Variants in GALNTL6 observed in about 807,000 individuals in gnomAD.
GALNTL6 encodes polypeptide N-acetylgalactosaminyltransferase-like 6.
In GALNTL6, 46 loss-of-function variants were observed where a neutral mutation model predicts 73.7. The ratio of observed to expected loss-of-function variants is 0.62; its 90% confidence interval spans 0.49 to 0.80. The LOEUF (loss-of-function observed/expected upper bound fraction) is 0.80, where lower values mean the gene tolerates loss of function less well. GALNTL6 is among the 30% of genes least tolerant of loss of function. The pLI is 0.00. For missense variants in GALNTL6, 604 were observed against 755.0 expected, an observed-to-expected ratio of 0.80 and a Z score of 2.34; for synonymous variants, 259 against 263.7, an observed-to-expected ratio of 0.98 and a Z score of 0.17.
chr4:172,084,850 A>C (rs1390210261), intron 2 of GALNTL6, among the ~76,000 whole-genome samples: 1 of 152,192 alleles, frequency 6.6e-6, no homozygotes, highest in Admixed American at 6.5e-5. Context: ...GAGAATAGAC[A>C]CAGCCAGGAA....
chr4:172,992,086 G>C (rs553806950), intron 10 of GALNTL6, among the ~76,000 whole-genome samples: 2 of 152,018 alleles, frequency 1.3e-5, no homozygotes, highest in East Asian at 1.9e-4. Context: ...AACCAAATTC[G>C]TATGTGTTTT....
intron 5 of GALNTL6, among the ~76,000 whole-genome samples, chr4:172,417,405 T>G (rs1162558139): frequency 2.0e-5 from 3 of 152,130 alleles, no homozygotes; most frequent in Admixed American, 6.6e-5. Context: ...TTAATTTGTC[T>G]GTTTATACTT....
chr4:172,617,642 AAT>A (rs1738791969), intron 5 of GALNTL6, among the ~76,000 whole-genome samples: 1 of 148,920 alleles, frequency 6.7e-6, no homozygotes, highest in African/African-American at 2.5e-5. Context: ...ACGCCCAGCT[AAT>A]TTTTTTTTTT....
intron 2 of GALNTL6, among the ~76,000 whole-genome samples, chr4:171,920,357 G>A (rs1029089769): frequency 6.6e-6 from 1 of 151,648 alleles, no homozygotes; most frequent in Non-Finnish European, 1.5e-5. Flanking sequence ...TTGTGCACAT[G>A]TACCCTAAAA....
At chr4:172,124,057 C>G (rs1733225972) in intron 2 of GALNTL6, among the ~76,000 whole-genome samples, 1 of 151,940 alleles carries the variant, frequency 6.6e-6, no homozygotes, top group Non-Finnish European at 1.5e-5. Context: ...GACAGATGAG[C>G]CATAGTTAAA....
chr4:171,982,958 C>G (rs2111082830), intron 2 of GALNTL6, among the ~76,000 whole-genome samples: 1 of 152,248 alleles, frequency 6.6e-6, no homozygotes, highest in Non-Finnish European at 1.5e-5. Context: ...TGAAGCTTAT[C>G]AGAGCCTTAC....
chr4:172,354,080 T>C (rs1466592278), intron 5 of GALNTL6, among the ~76,000 whole-genome samples: 1 of 152,110 alleles, frequency 6.6e-6, no homozygotes, highest in Non-Finnish European at 1.5e-5. Context: ...TTTTATATTA[T>C]ACAATACTAA....
At chr4:172,987,406 C>CA (rs758844596) in intron 10 of GALNTL6, among the ~76,000 whole-genome samples, 7 of 152,102 alleles carry the variant, frequency 4.6e-5, no homozygotes, top group Non-Finnish European at 5.9e-5. Context: ...TGAGGGTAAC[C>CA]ACCCCCATGA....
intron 5 of GALNTL6, among the ~76,000 whole-genome samples, chr4:172,430,192 G>A (rs1194009509): frequency 6.6e-6 from 1 of 151,990 alleles, no homozygotes; most frequent in Non-Finnish European, 1.5e-5. Context: ...TTGACAGTGA[G>A]AAAGGAATTT....
intron 2 of GALNTL6, among the ~76,000 whole-genome samples, chr4:172,044,571 A>T (rs1439491016): frequency 6.6e-6 from 1 of 151,930 alleles, no homozygotes; most frequent in Admixed American, 6.6e-5. Context: ...TTCTATAATG[A>T]TTATATTGTA....
At chr4:171,884,356 T>A (rs949101870) in intron 2 of GALNTL6, among the ~76,000 whole-genome samples, 5 of 152,178 alleles carry the variant, frequency 3.3e-5, no homozygotes, top group Non-Finnish European at 7.3e-5. Flanking sequence ...TCCTTTTAAG[T>A]TCTTTACATG....
At chr4:172,994,827 G>A (rs1751703819) in intron 10 of GALNTL6, among the ~76,000 whole-genome samples, 1 of 152,094 alleles carries the variant, frequency 6.6e-6, no homozygotes, top group South Asian at 2.1e-4. Flanking sequence ...GGGCTAAAAG[G>A]TCATATCCTC....
At chr4:172,554,876 T>C (rs1001059269) in intron 5 of GALNTL6, among the ~76,000 whole-genome samples, 1 of 152,158 alleles carries the variant, frequency 6.6e-6, no homozygotes, top group Non-Finnish European at 1.5e-5. Context: ...ATGATCACCA[T>C]ATAATTTCTT....
intron 5 of GALNTL6, among the ~76,000 whole-genome samples, chr4:172,765,929 T>G (rs1173449679): frequency 3.3e-5 from 5 of 151,964 alleles, no homozygotes; most frequent in Non-Finnish European, 7.4e-5. Flanking sequence ...ACACCATATT[T>G]CAAGGCCATA....
chr4:172,726,030 C>A (rs549099753), intron 5 of GALNTL6, among the ~76,000 whole-genome samples: 1 of 152,106 alleles, frequency 6.6e-6, no homozygotes, highest in East Asian at 1.9e-4. Flanking sequence ...GCACTAGCTG[C>A]GGGGAGTCTG....
rs547044918 is a variant in GALNTL6, at chr4:171,838,227, A to G, written c.138+23509A>G. On this transcript the variant is annotated intron_variant, in intron 2 of 12. Transcript: ENST00000506823. The stretch of plus-strand genomic sequence containing the variant: ...CAACCTCTGTCTCCCAGGTTCAAGC[A>G]ATTCTCCTGACTCAGCCTCCCAAGA... Among the ~76,000 whole-genome samples the G allele has an allele frequency of 2.8e-3, 420 of 151,998 alleles. 4 individuals are homozygous for G. The highest frequency in any genetic ancestry group is 9.6e-3 in the African/African-American group (400 of 41,476).
chr4:172,449,481 A>G (rs1344979406), intron 5 of GALNTL6, among the ~76,000 whole-genome samples: 1 of 152,170 alleles, frequency 6.6e-6, no homozygotes, highest in Non-Finnish European at 1.5e-5. Context: ...TGTGATTTAT[A>G]TCTTGCCAAA....
intron 2 of GALNTL6, among the ~76,000 whole-genome samples, chr4:172,212,318 C>T (rs867066384): frequency 2.0e-5 from 3 of 152,036 alleles, no homozygotes; most frequent in Non-Finnish European, 4.4e-5. Flanking sequence ...CATGCCACCA[C>T]GCCTGGCTAA....
rs988392404 is a variant in GALNTL6, at chr4:172,741,820, C to T, written c.554-67541C>T. 7.2e-5 allele frequency among the ~76,000 whole-genome samples: 11 copies of T among 151,928 alleles called. No individual in the cohort carries two copies. In the East Asian group the frequency reaches 2.1e-3, roughly 29 times the overall value. Reference sequence around the variant, plus strand: ...CCTAAGAATAGAAGACATCAAGTTCCAACATCATAGTCATCTTTGAGAAGT... The same window carrying T: ...CCTAAGAATAGAAGACATCAAGTTCTAACATCATAGTCATCTTTGAGAAGT... On this transcript the variant is annotated intron_variant, in intron 5 of 12. Coordinates refer to ENST00000506823, the MANE Select transcript of GALNTL6 (RefSeq NM_001034845.3).
Sources: allele counts gnomAD v4.1 joint callset (sites outside exome capture counted in the v4.1 genomes callset), GRCh38; gene constraint gnomAD v4.1.1; transcripts MANE v1.5; gene names NCBI Gene and HGNC (gene_info 2026-07-23, HGNC 2026-07-21).